The following LAMA2 variants were observed in gnomAD, a reference collection of about 807,000 sequenced individuals.
The protein encoded by LAMA2 is laminin subunit alpha 2.
A neutral mutation model predicts 364.8 loss-of-function variants in LAMA2; 269 were observed. The ratio of observed to expected loss-of-function variants is 0.74; its 90% CI spans 0.67 to 0.82. LAMA2 has a LOEUF of 0.82. Ranked by LOEUF, LAMA2 falls within the 40% of genes least tolerant of loss-of-function variation. The pLI, the probability that LAMA2 is intolerant of heterozygous loss-of-function variation, is 0.00. For synonymous variants in LAMA2, 1,379 were observed against 1,370.6 expected (o/e 1.01, Z -0.14); for missense variants, 3,807 against 3,873.2 (o/e 0.98, Z 0.45).
intron 58 of LAMA2, 145 bp from the exon 59 acceptor site, chr6:129,502,514 A>T (rs1296131135): frequency 1.5e-6 from 1 of 658,412 alleles, no homozygotes; most frequent in East Asian, 2.8e-5. Flanking sequence ...ATAAGTACTT[A>T]CTATGCAGTA....
intron 6 of LAMA2, among the ~76,000 whole-genome samples, chr6:129,147,342 A>T (rs2114964861): frequency 6.7e-6 from 1 of 148,938 alleles, no homozygotes; most frequent in East Asian, 2.0e-4. Context: ...CTGCCTCATG[A>T]TATAGCTTTA....
intron 1 of LAMA2, among the ~76,000 whole-genome samples, chr6:128,933,422 A>G (rs1779619336): frequency 6.6e-6 from 1 of 152,184 alleles, no homozygotes; most frequent in East Asian, 1.9e-4. Flanking sequence ...ACCTTTTAAA[A>G]TATATAGCTA....
At chr6:129,249,141 C>T (rs551926028) in intron 12 of LAMA2, among the ~76,000 whole-genome samples, 1 of 152,244 alleles carries the variant, frequency 6.6e-6, no homozygotes, top group Admixed American at 6.5e-5. Flanking sequence ...ACATTCCCAA[C>T]CAGGAATTGC....
At chr6:129,102,894 TA>T (rs1775598453) in intron 4 of LAMA2, among the ~76,000 whole-genome samples, 1 of 152,236 alleles carries the variant, frequency 6.6e-6, no homozygotes, top group Non-Finnish European at 1.5e-5. Flanking sequence ...ACAGCTGCTT[TA>T]ATTCCAGTAT....
At chr6:129,495,832 CTT>C (rs879394607) in intron 58 of LAMA2, among the ~76,000 whole-genome samples, 2 of 145,166 alleles carry the variant, frequency 1.4e-5, no homozygotes, top group Non-Finnish European at 1.5e-5. Flanking sequence ...ATTTAAGGTT[CTT>C]TTTTTTTTTT....
chr6:128,943,107 C>T (rs111757219), intron 1 of LAMA2, among the ~76,000 whole-genome samples: 8 of 152,204 alleles, frequency 5.3e-5, no homozygotes, highest in African/African-American at 1.2e-4. Context: ...AACTATGTCT[C>T]GGGCAACTTC....
chr6:129,262,057 C>T (rs1400434908), intron 15 of LAMA2, among the ~76,000 whole-genome samples: 1 of 152,128 alleles, frequency 6.6e-6, no homozygotes, highest in Non-Finnish European at 1.5e-5. Flanking sequence ...CTTGTTTCCA[C>T]ATACTTTGTT....
chr6:129,155,379 A>G (rs1779048805), intron 8 of LAMA2, among the ~76,000 whole-genome samples: 1 of 152,142 alleles, frequency 6.6e-6, no homozygotes, highest in South Asian at 2.1e-4. Flanking sequence ...CAGTCATTCT[A>G]TATCATCTCT....
chr6:128,968,948 A>G (rs76659231), intron 1 of LAMA2, among the ~76,000 whole-genome samples: 12,553 of 152,232 alleles, frequency 0.082, 982 homozygotes, highest in African/African-American at 0.2. Context: ...CTACTCTCTG[A>G]GAAACAGATC....
chr6:129,030,330 T>C (rs961068767), intron 1 of LAMA2, among the ~76,000 whole-genome samples: 1 of 152,086 alleles, frequency 6.6e-6, no homozygotes, highest in Admixed American at 6.6e-5. Flanking sequence ...AAGGCAAGGG[T>C]CCTTGACTAT....
At chr6:129,230,565 G>A (rs1784618591) in intron 12 of LAMA2, among the ~76,000 whole-genome samples, 1 of 152,056 alleles carries the variant, frequency 6.6e-6, no homozygotes, top group South Asian at 2.1e-4. Flanking sequence ...GAGAACATGG[G>A]AGGAAAATGC....
rs374127279 is a variant in LAMA2, at chr6:129,210,003, C to CAAAAAAAAAAAA, written c.1782+17161_1782+17172dup. On this transcript the variant is annotated intron_variant, in intron 12 of 64. Transcript: ENST00000421865. The stretch of plus-strand genomic sequence containing the variant: ...CGGGCGACAGAGCGAGACTCCATCT[C>CAAAAAAAAAAAA]AAAAAAAAAAAAAAAAAAAAAATTT... Among the ~76,000 whole-genome samples the CAAAAAAAAAAAA allele has an allele frequency of 2.3e-3, 155 of 67,636 alleles. 2 individuals are homozygous for CAAAAAAAAAAAA. The highest frequency in any genetic ancestry group is 4.9e-3 in the African/African-American group (101 of 20,660). 44.4% of individuals were successfully genotyped at this position (67,636 alleles called of 152,430 possible).
chr6:129,410,883 A>G (rs984334549), intron 40 of LAMA2, among the ~76,000 whole-genome samples: 1 of 152,228 alleles, frequency 6.6e-6, no homozygotes, highest in African/African-American at 2.4e-5. Context: ...CTTTGAGTCC[A>G]AAGGCCAGAG....
chr6:129,452,697 T>C (rs1782740766), intron 45 of LAMA2, among the ~76,000 whole-genome samples: 1 of 152,176 alleles, frequency 6.6e-6, no homozygotes, highest in Non-Finnish European at 1.5e-5. Context: ...ATATTGATAA[T>C]GGAGAAATGT....
rs546653399 is a variant in LAMA2, at chr6:129,323,119, C to T, written c.4176+2464C>T. Among the ~76,000 whole-genome samples the T allele has an allele frequency of 8.4e-4, 128 of 152,250 alleles. 1 individual carries two copies. Among genetic ancestry groups the T allele is most frequent in the African/African-American group, 2.9e-3 (122 of 41,548 alleles). On this transcript the variant is annotated intron_variant, in intron 28 of 64. Coordinates refer to ENST00000421865, the MANE Select transcript of LAMA2 (RefSeq NM_000426.4). ...CTGAAGTGTTTTCCACAACCCATGG[C>T]CTCTAATCCATTATACCTCTTATTT... is the stretch of plus-strand genomic sequence containing the variant.
intron 15 of LAMA2, 74 bp from the exon 16 acceptor site, chr6:129,267,032 A>G (rs1234599607): frequency 1.1e-6 from 1 of 939,518 alleles, no homozygotes; most frequent in East Asian, 2.4e-5. Flanking sequence ...GTTATCAGAA[A>G]ACAAACACAA....
chr6:129,452,025 T>C (rs1001360272), intron 45 of LAMA2, among the ~76,000 whole-genome samples: 15 of 152,198 alleles, frequency 9.9e-5, no homozygotes, highest in Non-Finnish European at 2.1e-4. Context: ...CAAGAGGGCA[T>C]TTGAACAAAT....
intron 1 of LAMA2, among the ~76,000 whole-genome samples, chr6:128,887,262 A>T (rs552282978): frequency 2.0e-5 from 3 of 152,180 alleles, no homozygotes; most frequent in African/African-American, 7.2e-5. Context: ...AGTGGCCATA[A>T]ACCTGGAATT....
At chr6:129,226,944 T>G (rs1784336864) in intron 12 of LAMA2, among the ~76,000 whole-genome samples, 2 of 152,230 alleles carry the variant, frequency 1.3e-5, no homozygotes, top group Admixed American at 6.5e-5. Context: ...CTTGGTTCCA[T>G]TCTCCCCGCC....
Sources: gnomAD v4.1 joint callset for allele counts (sites outside exome capture counted in the v4.1 genomes callset) on GRCh38, gnomAD v4.1.1 for gene constraint, MANE v1.5 for transcripts, NCBI Gene and HGNC (gene_info 2026-07-23, HGNC 2026-07-21) for gene names.